Variants in NOCT observed in about 807,000 individuals in gnomAD.
The protein encoded by NOCT is CCR4 carbon catabolite repression 4-like.
Under a neutral mutation model 35.0 loss-of-function variants are expected in NOCT, and 18 were observed. The observed-to-expected ratio is 0.51, with a 90% CI of 0.36 to 0.76. The LOEUF (loss-of-function observed/expected upper bound fraction) is 0.76, where lower values mean the gene tolerates loss of function less well. Ranked by LOEUF, NOCT falls within the 30% of genes least tolerant of loss-of-function variation. The pLI is 0.01. For synonymous variants in NOCT, 235 were observed against 226.3 expected (o/e 1.04, Z -0.34); for missense variants, 479 against 541.0 (o/e 0.89, Z 1.14).
chr4:139,016,147 G>C lies in NOCT; in HGVS notation c.166G>C (p.Ala56Pro). The change falls in exon 1 of 3, where the codon GCC (alanine) becomes CCC (proline). Residue 56 changes from alanine (A) to proline (P), a missense_variant. Around this residue, in one of 2 missense-constraint regions of NOCT, gnomAD observed 265 missense variants for 257.0 expected, o/e 1.03. Transcript: ENST00000280614. ...LLAAASAASG[A>P]ARSCSRTVCS... is the part of the protein sequence containing the mutation. Reference sequence around the variant, plus strand: ...GGCGGCGGCCTCGGCGGCCTCGGGCGCCGCGAGGTCGTGTTCCCGAACAGG... The same window carrying C: ...GGCGGCGGCCTCGGCGGCCTCGGGCCCCGCGAGGTCGTGTTCCCGAACAGG... 1 of 1,273,754 alleles carries C rather than the reference G, an allele frequency of 7.9e-7. No individual in the cohort carries two copies. The highest frequency in any genetic ancestry group is 9.9e-7 in the Non-Finnish European group (1 of 1,014,602). The allele number at this position is 1,273,754 out of a possible 1,614,324, so 78.9% of individuals were successfully genotyped here.
At chr4:139,016,264 G>A (rs1229146162) in intron 1 of NOCT, 93 bp downstream of exon 1, 1 of 840,404 alleles carries the variant, frequency 1.2e-6, no homozygotes, top group African/African-American at 1.8e-5. Context: ...GAAGCCCGGG[G>A]CTGCCGGTCG....
At position 139,045,199 on chromosome 4, in the gene NOCT, A is replaced by G. The variant is rs1726909896; in HGVS notation, c.1021A>G (p.Ser341Gly). ...EEVYKHFASSSLNLNSAYKLL... is the reference protein window; with the variant it reads ...EEVYKHFASSGLNLNSAYKLL... ...GGTCTACAAACACTTTGCTTCCTCC[A>G]GCCTCAACCTGAACAGCGCCTACAA... Residue 341 changes from serine to glycine, a missense_variant, in exon 3 of 3, where the codon AGC becomes GGC. This residue lies in a region of NOCT where 214 missense variants were observed against 284.0 expected (regional missense o/e 0.75). Coordinates refer to ENST00000280614, the MANE Select transcript of NOCT (RefSeq NM_012118.4). The G allele has an allele frequency of 6.2e-7, 1 of 1,614,102 alleles. No individual in the cohort carries two copies. Among genetic ancestry groups the G allele is most frequent in the African/African-American group, 1.3e-5 (1 of 74,942 alleles).
intron 1 of NOCT, among the ~76,000 whole-genome samples, chr4:139,036,758 CAG>C (rs972961572): frequency 2.6e-5 from 4 of 151,952 alleles, no homozygotes; most frequent in African/African-American, 9.7e-5. Flanking sequence ...TAACAAAACT[CAG>C]AGAATAGAGA....
intron 1 of NOCT, among the ~76,000 whole-genome samples, chr4:139,024,413 G>A (rs550777742): frequency 2.0e-5 from 3 of 152,164 alleles, no homozygotes; most frequent in South Asian, 4.1e-4. Flanking sequence ...GAAAATTTTT[G>A]TTCTGCAGTC....
chr4:139,039,821 G>C (rs1726803034), intron 1 of NOCT, among the ~76,000 whole-genome samples: 2 of 151,978 alleles, frequency 1.3e-5, no homozygotes, highest in Admixed American at 1.3e-4. Context: ...TCCTCCTCCC[G>C]AGTTCAAGCG....
At chr4:139,043,868 T>C (rs1162962494) in intron 2 of NOCT, 2 of 152,746 alleles carry the variant, frequency 1.3e-5, no homozygotes, top group Admixed American at 1.3e-4. Flanking sequence ...TGAGCTGAGA[T>C]TGCGCCATTG....
intron 1 of NOCT, among the ~76,000 whole-genome samples, chr4:139,029,953 G>A (rs1726595984): frequency 6.6e-6 from 1 of 152,170 alleles, no homozygotes; most frequent in Non-Finnish European, 1.5e-5. Context: ...GTGTAGTGGT[G>A]CAATCTTGGC....
chr4:139,034,290 T>C (rs1305832659), intron 1 of NOCT, among the ~76,000 whole-genome samples: 1 of 151,902 alleles, frequency 6.6e-6, no homozygotes, highest in African/African-American at 2.4e-5. Flanking sequence ...ACACCTCCCA[T>C]TGCCCAACTC....
At chr4:139,031,280 G>C (rs906976860) in intron 1 of NOCT, among the ~76,000 whole-genome samples, 1 of 151,982 alleles carries the variant, frequency 6.6e-6, no homozygotes, top group Non-Finnish European at 1.5e-5. Flanking sequence ...CTCCTGAGTA[G>C]CTGGGACAAC....
Position 139,045,658 on chromosome 4 carries a change from A to G in NOCT, c.*184A>G. ...CAGCCTCCAGAGCAACTGGGACAAC[A>G]GGCGCCCGTCACCACGCCCAGCTAA... is the stretch of plus-strand genomic sequence containing the variant. On this transcript the variant is annotated 3_prime_UTR_variant, in exon 3 of 3. Coordinates refer to ENST00000280614, the MANE Select transcript of NOCT (RefSeq NM_012118.4). The G allele has an allele frequency of 2.1e-6, 1 of 485,014 alleles. No homozygotes were observed. The highest frequency in any genetic ancestry group is 3.6e-6 in the Non-Finnish European group (1 of 278,160). 30.0% of individuals were successfully genotyped at this position (485,014 alleles called of 1,614,324 possible). A position where few individuals can be genotyped will look rare whatever the true frequency, so the allele number is the denominator to read the frequency against.
rs1463874235 is a variant in NOCT, at chr4:139,045,214, A to G, written c.1036A>G (p.Ser346Gly). The G allele has an allele frequency of 5.6e-6, 9 of 1,614,212 alleles. No homozygotes were observed. The highest frequency in any genetic ancestry group is 7.6e-6 in the Non-Finnish European group (9 of 1,180,032). ...TGCTTCCTCCAGCCTCAACCTGAAC[A>G]GCGCCTACAAGCTGCTGAGTGCTGA... ...HFASSSLNLN[S>G]AYKLLSADGQ... Residue 346 changes from serine (S) to glycine (G), a missense_variant, in exon 3 of 3, where the codon AGC becomes GGC. This residue lies in a region of NOCT where 214 missense variants were observed against 284.0 expected (regional missense o/e 0.75). Transcript: ENST00000280614.
intron 1 of NOCT, among the ~76,000 whole-genome samples, chr4:139,041,325 A>G (rs1212896740): frequency 6.6e-6 from 1 of 152,200 alleles, no homozygotes; most frequent in African/African-American, 2.4e-5. Context: ...AAGCCTGCCA[A>G]ATTTTATAAA....
At chr4:139,032,483 C>T (rs375204579) in intron 1 of NOCT, among the ~76,000 whole-genome samples, 4 of 151,774 alleles carry the variant, frequency 2.6e-5, no homozygotes, top group African/African-American at 4.8e-5. Context: ...AGTGAGATCT[C>T]GTCTCTACTT....
Position 139,015,974 on chromosome 4 carries a change from C to A in NOCT, c.-8C>A. On this transcript the variant is annotated 5_prime_UTR_variant, in exon 1 of 3. Coordinates refer to ENST00000280614, the MANE Select transcript of NOCT (RefSeq NM_012118.4). ...GCGCGAGGGGCCGTGGTGGCGGCGG[C>A]GCCCGGCATGTTTCATAGTCCGCGG... 2.2e-6 allele frequency: 3 copies of A among 1,348,432 alleles called. No homozygotes were observed. Among genetic ancestry groups the A allele is most frequent in the Non-Finnish European group, 2.8e-6 (3 of 1,054,266 alleles). 83.5% of individuals were successfully genotyped at this position (1,348,432 alleles called of 1,614,324 possible).
intron 2 of NOCT, 195 bp downstream of exon 2, chr4:139,043,538 A>G (rs754611928): frequency 3.6e-6 from 2 of 551,504 alleles, no homozygotes; most frequent in Non-Finnish European, 6.4e-6. Flanking sequence ...TTTTTTTTAG[A>G]AAGAAAAAAG....
chr4:139,028,144 G>A (rs1726558155), intron 1 of NOCT: 1 of 152,202 alleles, frequency 6.6e-6, no homozygotes, highest in South Asian at 2.1e-4. Context: ...TCAGAGGATT[G>A]TGCTAGAAAA....
chr4:139,026,252 C>T (rs932327494), intron 1 of NOCT, among the ~76,000 whole-genome samples: 1 of 152,092 alleles, frequency 6.6e-6, no homozygotes, highest in Non-Finnish European at 1.5e-5. Flanking sequence ...CAGGCATGCG[C>T]TACCACGCCC....
At chr4:139,035,361 C>G (rs1255705532) in intron 1 of NOCT, among the ~76,000 whole-genome samples, 1 of 152,146 alleles carries the variant, frequency 6.6e-6, no homozygotes. Context: ...GTCTCAAACT[C>G]CTGACCCTAA....
chr4:139,018,499 G>A (rs938836), intron 1 of NOCT, among the ~76,000 whole-genome samples: 62,732 of 152,050 alleles, frequency 0.41, 13,480 homozygotes, highest in Middle Eastern at 0.5. Flanking sequence ...AGGACTTTAT[G>A]GTACTTAAAC....
Sources: allele counts gnomAD v4.1 joint callset (sites outside exome capture counted in the v4.1 genomes callset), GRCh38; gene constraint gnomAD v4.1.1; regional missense constraint gnomAD v4.1.1; transcripts MANE v1.5; gene names NCBI Gene and HGNC (gene_info 2026-07-23, HGNC 2026-07-21).